EYA1: variants seen among roughly 807,000 people sequenced by gnomAD.
EYA1 encodes the protein protein phosphatase EYA1.
In EYA1, 16 loss-of-function variants were observed where a neutral mutation model predicts 82.0. The observed-to-expected ratio is 0.20, with a 90% confidence interval of 0.13 to 0.30. The LOEUF is 0.30. Among genes scored for constraint, EYA1 ranks in the 10% least tolerant of loss-of-function variants. EYA1 has a pLI of 1.00. For missense variants in EYA1, 633 were observed against 730.7 expected (o/e 0.87, Z 1.54); for synonymous variants, 261 against 264.4 (o/e 0.99, Z 0.12).
chr8:71,365,333 GT>G (rs1827691954), upstream of EYA1, among the ~76,000 whole-genome samples: 1 of 151,902 alleles, frequency 6.6e-6, no homozygotes, highest in Admixed American at 6.6e-5. Flanking sequence ...TTGAAATAAC[GT>G]TAGAAGCATG....
chr8:71,359,783 T>C (rs773640371), intron 1 of EYA1, among the ~76,000 whole-genome samples: 13 of 152,140 alleles, frequency 8.5e-5, no homozygotes, highest in Non-Finnish European at 1.6e-4. Context: ...AGTACTGAGC[T>C]TATCTAAATA....
chr8:71,364,981 T>C (rs5021353), upstream of EYA1, among the ~76,000 whole-genome samples: 46 of 95,520 alleles, frequency 4.8e-4, no homozygotes, highest in Admixed American at 1.3e-3. Flanking sequence ...TATATATATA[T>C]ATATACATAT....
At chr8:71,386,855 A>G (rs980987959) in intron 2 of EYA1, among the ~76,000 whole-genome samples, 4 of 152,204 alleles carry the variant, frequency 2.6e-5, no homozygotes, top group African/African-American at 9.6e-5. Context: ...ACCTGATGTA[A>G]GGATTCAAAA....
chr8:71,224,320 C>T (rs1810306316), intron 12 of EYA1, among the ~76,000 whole-genome samples: 2 of 152,186 alleles, frequency 1.3e-5, no homozygotes, highest in Admixed American at 1.3e-4. Flanking sequence ...ACTTTCAATA[C>T]TTCCTTTTAC....
At chr8:71,506,818 G>C (rs963916576) in intron 2 of EYA1, among the ~76,000 whole-genome samples, 4 of 151,818 alleles carry the variant, frequency 2.6e-5, no homozygotes, top group African/African-American at 9.7e-5. Flanking sequence ...ATAAGAAAAG[G>C]TTGGTAAATT....
chr8:71,257,835 ACATTT>A (rs967016902), intron 11 of EYA1, among the ~76,000 whole-genome samples: 1 of 152,166 alleles, frequency 6.6e-6, no homozygotes, highest in Non-Finnish European at 1.5e-5. Flanking sequence ...AACCCTAGAA[ACATTT>A]CATTTAAGGC....
chr8:71,372,492 C>T lies in EYA1; in HGVS notation c.34-15981G>A, dbSNP rs550427105. Among the ~76,000 whole-genome samples, 5 of 152,178 alleles carry T rather than the reference C, an allele frequency of 3.3e-5. No homozygotes were observed. The East Asian group carries it at 9.6e-4, about 29-fold the overall frequency. On this transcript the variant is annotated intron_variant, in intron 2 of 18. Transcript: ENST00000643681. ...GGTGTGTTCCATTAAATTTAGGAAG[C>T]AAACCTCCTTTACAAACTAGACAAT...
At position 71,519,466 on chromosome 8, in the gene EYA1, T is replaced by C. The variant is rs140214902; in HGVS notation, c.33+16278A>G. ...AATTCAGGTATAAGTGATGAAAATA[T>C]AGAGAGTTGACTAAAACCTAACCCC... On this transcript the variant is annotated intron_variant, in intron 2 of 18. Coordinates refer to the EYA1 transcript ENST00000643681. Among the ~76,000 whole-genome samples the C allele has an allele frequency of 3.2e-3, 483 of 152,204 alleles. 3 individuals carry two copies. Among genetic ancestry groups the C allele is most frequent in the Admixed American group, 5.5e-3 (84 of 15,276 alleles).
At chr8:71,514,894 T>C (rs1812853573) in intron 2 of EYA1, among the ~76,000 whole-genome samples, 1 of 152,130 alleles carries the variant, frequency 6.6e-6, no homozygotes, top group Non-Finnish European at 1.5e-5. Context: ...AGTTTTATTT[T>C]CAATGTACAA....
At chr8:71,254,709 G>A (rs1814184657) in intron 11 of EYA1, among the ~76,000 whole-genome samples, 1 of 152,116 alleles carries the variant, frequency 6.6e-6, no homozygotes, top group African/African-American at 2.4e-5. Flanking sequence ...ACAAAACATA[G>A]AAGTTCTAGC....
chr8:71,311,219 G>A (rs753286418), intron 7 of EYA1, among the ~76,000 whole-genome samples: 4 of 152,168 alleles, frequency 2.6e-5, no homozygotes, highest in Non-Finnish European at 5.9e-5. Context: ...TACAGACCTT[G>A]CATTTTTAAA....
intron 3 of EYA1, among the ~76,000 whole-genome samples, chr8:71,335,264 G>A (rs1009010189): frequency 3.3e-5 from 5 of 152,152 alleles, no homozygotes; most frequent in East Asian, 1.9e-4. Context: ...ATTTTGAAGC[G>A]GGAAAAGATG....
intron 2 of EYA1, among the ~76,000 whole-genome samples, chr8:71,437,509 T>C (rs913917002): frequency 1.3e-5 from 2 of 152,042 alleles, no homozygotes; most frequent in Non-Finnish European, 2.9e-5. Context: ...GTCATATGCA[T>C]TATTTGACAT....
At chr8:71,424,609 T>C (rs1169103147) in intron 2 of EYA1, among the ~76,000 whole-genome samples, 1 of 152,196 alleles carries the variant, frequency 6.6e-6, no homozygotes, top group African/African-American at 2.4e-5. Context: ...TTCAGTAAGA[T>C]GGCAAAACTG....
chr8:71,391,738 G>A (rs1220834865), intron 2 of EYA1, among the ~76,000 whole-genome samples: 1 of 152,206 alleles, frequency 6.6e-6, no homozygotes, highest in Non-Finnish European at 1.5e-5. Context: ...TTACCCAGGT[G>A]TGAACCATTC....
chr8:71,477,158 G>A (rs76047621), intron 2 of EYA1, among the ~76,000 whole-genome samples: 2,664 of 152,138 alleles, frequency 0.018, 54 homozygotes, highest in African/African-American at 0.061. Flanking sequence ...TCATGACCAT[G>A]AGTCAGCCAA....
chr8:71,302,326 T>C (rs553152380), intron 7 of EYA1, among the ~76,000 whole-genome samples: 209 of 152,248 alleles, frequency 1.4e-3, no homozygotes, highest in African/African-American at 4.9e-3. Flanking sequence ...AGTTATCCCC[T>C]GAAATGAAGT....
chr8:71,471,610 T>G (rs1307999194), intron 2 of EYA1, among the ~76,000 whole-genome samples: 3 of 152,086 alleles, frequency 2.0e-5, no homozygotes, highest in African/African-American at 7.2e-5. Flanking sequence ...CCTGGTTATA[T>G]TTTTACTCCA....
intron 2 of EYA1, among the ~76,000 whole-genome samples, chr8:71,431,707 A>G (rs1227582220): frequency 6.6e-6 from 1 of 152,176 alleles, no homozygotes; most frequent in Non-Finnish European, 1.5e-5. Context: ...AGACTTAGGG[A>G]AGTATTAGTC....
Sources: allele counts gnomAD v4.1 joint callset (sites outside exome capture counted in the v4.1 genomes callset), GRCh38; gene constraint gnomAD v4.1.1; transcripts MANE v1.5; gene names NCBI Gene and HGNC (gene_info 2026-07-23, HGNC 2026-07-21).